The following RUFY4 variants were observed in gnomAD, a reference collection of about 807,000 sequenced individuals.
RUFY4 encodes the protein RUN and FYVE domain-containing protein 4.
RUFY4 carries 73 observed loss-of-function variants against 69.0 expected under a neutral mutation model. The ratio of observed to expected loss-of-function variants is 1.06; its 90% CI spans 0.88 to 1.29. The LOEUF (loss-of-function observed/expected upper bound fraction) is 1.29, where lower values mean the gene tolerates loss of function less well. RUFY4 is among the 50% of genes most tolerant of loss of function. RUFY4 has a pLI of 0.00. For synonymous variants in RUFY4, 287 were observed against 271.8 expected, an observed-to-expected ratio of 1.06 and a Z score of -0.55; for missense variants, 770 against 705.6, an observed-to-expected ratio of 1.09 and a Z score of -1.03.
chr2:218,049,594 C>T (rs896983745), intron 2 of RUFY4, among the ~76,000 whole-genome samples: 2 of 152,026 alleles, frequency 1.3e-5, no homozygotes, highest in African/African-American at 2.4e-5. Context: ...GCAGCCTCTG[C>T]CTCCCAGGTT....
rs1020602272 is a variant in RUFY4 at position 218,087,834 on chromosome 2, G to GA, written c.1503-1408dup. Among the ~76,000 whole-genome samples, 918 of 146,478 alleles carry GA rather than the reference G, an allele frequency of 6.3e-3. 14 individuals carry two copies. The highest frequency in any genetic ancestry group is 0.022 in the African/African-American group (867 of 40,020). On this transcript the variant is annotated intron_variant, in intron 9 of 10. Coordinates refer to ENST00000344321, the Ensembl canonical transcript of RUFY4. ...ACAGAGGAAGACTCTGTCTCAAAAA[G>GA]AAAAAAAAAATTACAATGGTAGCCA...
intron 6 of RUFY4, 38 bp from the exon 9 acceptor site, chr2:218,075,055 T>C: frequency 6.8e-7 from 1 of 1,480,340 alleles, no homozygotes; most frequent in Non-Finnish European, 9.0e-7. Flanking sequence ...AGTGAATTGG[T>C]GCTGAGAGGG....
At chr2:218,036,685 A>G (rs1021876766) in intron 2 of RUFY4, among the ~76,000 whole-genome samples, 1 of 152,270 alleles carries the variant, frequency 6.6e-6, no homozygotes, top group Non-Finnish European at 1.5e-5. Context: ...TGAAAGGGGT[A>G]GACATAAGCA....
chr2:218,089,678 T>A, intron 10 of RUFY4: 2 of 703,142 alleles, frequency 2.8e-6, no homozygotes, highest in Non-Finnish European at 5.2e-6. Flanking sequence ...CCTTCCTCTG[T>A]GAGCACAGTG....
intron 2 of RUFY4, among the ~76,000 whole-genome samples, chr2:218,054,082 GC>G (rs1469145336): frequency 6.6e-6 from 1 of 152,204 alleles, no homozygotes; most frequent in Non-Finnish European, 1.5e-5. Flanking sequence ...GTCTTAAAAT[GC>G]TGTTTGCAAT....
intron 8 of RUFY4, among the ~76,000 whole-genome samples, chr2:218,080,189 G>A (rs1689728482): frequency 6.6e-6 from 1 of 152,222 alleles, no homozygotes; most frequent in African/African-American, 2.4e-5. Flanking sequence ...GGCAGAGTGA[G>A]GCACCGGAAT....
chr2:218,068,288 C>T (rs548714562), upstream of RUFY4, among the ~76,000 whole-genome samples: 2 of 149,726 alleles, frequency 1.3e-5, no homozygotes, highest in East Asian at 2.0e-4. Context: ...GCTGGAGGAG[C>T]GCAGGGGCAG....
chr2:218,063,818 C>T (rs906104879), intron 3 of RUFY4, among the ~76,000 whole-genome samples: 1 of 152,176 alleles, frequency 6.6e-6, no homozygotes, highest in Non-Finnish European at 1.5e-5. Flanking sequence ...ATCTCACCAC[C>T]TTACACGTCA....
chr2:218,049,175 C>T lies in RUFY4; in HGVS notation c.-1157-9420C>T, dbSNP rs945609686. Among the ~76,000 whole-genome samples, 10 of 152,224 alleles carry T rather than the reference C, an allele frequency of 6.6e-5. No homozygotes were observed. In the South Asian group the frequency reaches 2.1e-3, roughly 32 times the overall value. On this transcript the variant is annotated intron_variant and NMD_transcript_variant, in intron 2 of 13. Coordinates refer to the RUFY4 transcript ENST00000457754. The stretch of plus-strand genomic sequence containing the variant: ...TGAGTTTCCACACCATTCCAAATGG[C>T]AGGTTTGGGACCTCATCATCTGATA...
At chr2:218,084,220 AG>A (rs1223242220) in intron 9 of RUFY4, among the ~76,000 whole-genome samples, 9 of 151,880 alleles carry the variant, frequency 5.9e-5, no homozygotes, top group African/African-American at 2.2e-4. Flanking sequence ...AAGGTTGCTA[AG>A]GGTTTTTTGT....
At chr2:218,065,216 C>T (rs1689295535), upstream of RUFY4, among the ~76,000 whole-genome samples, 1 of 152,196 alleles carries the variant, frequency 6.6e-6, no homozygotes, top group African/African-American at 2.4e-5. Flanking sequence ...TCAGCCCTCT[C>T]CCTGGCCCAC....
chr2:218,070,452 C>G (rs1420173815), upstream of RUFY4: 2 of 689,036 alleles, frequency 2.9e-6, no homozygotes, highest in African/African-American at 3.5e-5. Flanking sequence ...TCTCCCCCTA[C>G]TAGGTAACTT....
chr2:218,037,284 C>T (rs1044747659), intron 2 of RUFY4, among the ~76,000 whole-genome samples: 2 of 150,772 alleles, frequency 1.3e-5, no homozygotes, highest in Non-Finnish European at 2.9e-5. Flanking sequence ...AGCACCACTG[C>T]ACTCCAGCCT....
At chr2:218,075,438 G>T (rs780583191) in exon 7 of RUFY4, 2 of 1,611,434 alleles carry the variant, frequency 1.2e-6, no homozygotes, top group South Asian at 1.1e-5. Context: ...GGAGGCTGAG[G>T]TCACAGGGGT....
intron 3 of RUFY4, chr2:218,060,481 T>C (rs1436740443): frequency 7.5e-7 from 1 of 1,332,752 alleles, no homozygotes; most frequent in Non-Finnish European, 1.1e-6. Flanking sequence ...AATGAAGGCG[T>C]AGATGAGGGG....
intron 7 of RUFY4, 140 bp from the exon 10 acceptor site, chr2:218,076,287 G>C: frequency 5.1e-6 from 7 of 1,365,548 alleles, no homozygotes; most frequent in Non-Finnish European, 6.7e-6. Context: ...ACAGAGCCAG[G>C]CATCACAGCT....
chr2:218,049,264 C>A (rs977433047), intron 2 of RUFY4, among the ~76,000 whole-genome samples: 1 of 152,170 alleles, frequency 6.6e-6, no homozygotes, highest in African/African-American at 2.4e-5. Context: ...CTGGGGCAGG[C>A]AGCTCACTTG....
intron 8 of RUFY4, among the ~76,000 whole-genome samples, chr2:218,080,527 G>A (rs927773551): frequency 1.3e-5 from 2 of 152,196 alleles, no homozygotes; most frequent in East Asian, 1.9e-4. Flanking sequence ...AAAAGGAGAC[G>A]GTGGGATAGC....
intron 8 of RUFY4, among the ~76,000 whole-genome samples, chr2:218,078,085 A>C (rs568752704): frequency 1.3e-5 from 2 of 152,324 alleles, no homozygotes; most frequent in South Asian, 4.1e-4. Context: ...GGTATGGGAA[A>C]TCCTCTCACA....
Sources: allele counts gnomAD v4.1 joint callset (sites outside exome capture counted in the v4.1 genomes callset), GRCh38; gene constraint gnomAD v4.1.1; transcripts MANE v1.5; gene names NCBI Gene and HGNC (gene_info 2026-07-23, HGNC 2026-07-21).